TBCE: variants seen among roughly 807,000 people sequenced by gnomAD.
TBCE encodes the protein tubulin-specific chaperone E.
Under a neutral mutation model 77.0 loss-of-function variants are expected in TBCE, and 53 were observed. That is an observed-to-expected ratio of 0.69 (90% CI 0.55 to 0.87). TBCE has a LOEUF of 0.87. TBCE is among the 40% of genes least tolerant of loss of function. The probability of loss-of-function intolerance (pLI) is 0.00; values close to 1 mark genes in which losing one functional copy is unlikely to be tolerated. For synonymous variants in TBCE, 235 were observed against 241.3 expected (o/e 0.97, Z 0.24); for missense variants, 624 against 622.4 (o/e 1.00, Z -0.03).
chr1:235,382,996 G>A (rs1389125279), intron 2 of TBCE, among the ~76,000 whole-genome samples: 1 of 144,962 alleles, frequency 6.9e-6, no homozygotes, highest in Middle Eastern at 3.6e-3. Context: ...TTTTGTATAA[G>A]GTGTAAGGAA....
chr1:235,405,372 A>G lies in TBCE; in HGVS notation c.185+3785A>G, dbSNP rs1469128816. On this transcript the variant is annotated intron_variant, in intron 3 of 16. Transcript: ENST00000642610. ...AGGAGTTTGCTGGGCACAGCAGCTC[A>G]TGCCTGTAATCCCAGCACTTTGGGA... Among the ~76,000 whole-genome samples, 34 of 148,808 alleles carry G rather than the reference A, an allele frequency of 2.3e-4. No homozygotes were observed. The Admixed American group carries it at 2.3e-3, about 10-fold the overall frequency.
intron 16 of TBCE, 78 bp downstream of exon 16, chr1:235,448,518 AAC>A (rs1682634422): frequency 2.1e-6 from 3 of 1,461,428 alleles, no homozygotes; most frequent in Admixed American, 1.7e-5. Context: ...TCTAGATAGC[AAC>A]AGTTTGATTC....
intron 15 of TBCE, 88 bp downstream of exon 15, chr1:235,442,999 C>A: frequency 7.5e-7 from 1 of 1,326,536 alleles, no homozygotes; most frequent in Non-Finnish European, 1.1e-6. Flanking sequence ...TAACTCATGT[C>A]TCAAAGTGTG....
chr1:235,415,335 A>G (rs1680050755), intron 4 of TBCE: 1 of 152,400 alleles, frequency 6.6e-6, no homozygotes, highest in African/African-American at 2.4e-5. Flanking sequence ...TTTCTCTGAA[A>G]CTGTATATTG....
intron 2 of TBCE, among the ~76,000 whole-genome samples, chr1:235,385,885 G>A (rs963924976): frequency 6.6e-6 from 1 of 152,092 alleles, no homozygotes; most frequent in Non-Finnish European, 1.5e-5. Context: ...TATTTTGCTC[G>A]TTAGTTGATG....
At chr1:235,402,065 C>CT (rs55848781) in intron 3 of TBCE, among the ~76,000 whole-genome samples, 3,714 of 134,862 alleles carry the variant, frequency 0.028, 159 homozygotes, top group African/African-American at 0.08. Context: ...ATTTCTTTGT[C>CT]TTTTTTTTTT....
intron 2 of TBCE, among the ~76,000 whole-genome samples, chr1:235,396,382 A>G (rs973663172): frequency 3.3e-5 from 5 of 152,104 alleles, no homozygotes; most frequent in African/African-American, 1.2e-4. Context: ...TTCTTTATCC[A>G]TTCATCTGTT....
intron 2 of TBCE, among the ~76,000 whole-genome samples, chr1:235,387,515 C>T (rs1483183717): frequency 1.3e-5 from 2 of 152,176 alleles, no homozygotes; most frequent in Non-Finnish European, 2.9e-5. Context: ...GGGCACCCCT[C>T]CCCCAGCCGC....
In TBCE at chr1:235,380,060, C is replaced by T; in HGVS notation, c.11C>T (p.Thr4Ile). The change falls in exon 2 of 17, where the codon ACT (threonine) becomes ATT (isoleucine). Residue 4 changes from threonine to isoleucine, a missense_variant. Coordinates refer to ENST00000642610, the MANE Select transcript of TBCE (RefSeq NM_003193.5). Reference protein sequence around the residue: MSDTLTADVIGRRV... With the variant: MSDILTADVIGRRV... ...TCTGGATATATTATAATGAGTGACACTTTGACAGCGGATGTCATTGGTCGA... is the reference window on the plus strand; with the variant it reads ...TCTGGATATATTATAATGAGTGACATTTTGACAGCGGATGTCATTGGTCGA... The T allele has an allele frequency of 6.2e-7, 1 of 1,613,298 alleles. No homozygotes were observed. The highest frequency in any genetic ancestry group is 8.5e-7 in the Non-Finnish European group (1 of 1,179,620).
At chr1:235,421,083 C>T (rs1054821162) in intron 5 of TBCE, among the ~76,000 whole-genome samples, 1 of 151,980 alleles carries the variant, frequency 6.6e-6, no homozygotes, top group Non-Finnish European at 1.5e-5. Flanking sequence ...TTCTTTTTTG[C>T]CTGTAAGCAA....
At chr1:235,442,008 A>ATTTTT in intron 14 of TBCE, 126 bp downstream of exon 14, 1 of 596,200 alleles carries the variant, frequency 1.7e-6, no homozygotes, top group Non-Finnish European at 2.8e-6. Flanking sequence ...TTAAATGAAA[A>ATTTTT]TTTTTTTTTT....
intron 3 of TBCE, among the ~76,000 whole-genome samples, chr1:235,411,017 TA>T (rs1329934084): frequency 6.6e-6 from 1 of 151,860 alleles, no homozygotes; most frequent in African/African-American, 2.4e-5. Flanking sequence ...AACAGTAAAA[TA>T]AAAAAAATAA....
At chr1:235,400,750 A>AGT (rs1241757695) in intron 2 of TBCE, among the ~76,000 whole-genome samples, 1 of 143,466 alleles carries the variant, frequency 7.0e-6, no homozygotes, top group East Asian at 2.1e-4. Context: ...GCTGGAGTGC[A>AGT]GTGGCATGAT....
intron 2 of TBCE, among the ~76,000 whole-genome samples, chr1:235,387,753 A>G (rs1417359431): frequency 6.6e-6 from 1 of 152,152 alleles, no homozygotes; most frequent in Non-Finnish European, 1.5e-5. Context: ...TGCGCTTCCC[A>G]AATGAGGGAA....
chr1:235,425,053 G>A (rs1469905766), intron 5 of TBCE, among the ~76,000 whole-genome samples: 1 of 152,024 alleles, frequency 6.6e-6, no homozygotes, highest in Admixed American at 6.6e-5. Context: ...GGGAGCCCTG[G>A]GCTTCTTGAG....
At chr1:235,407,745 C>T (rs1453515779) in intron 3 of TBCE, among the ~76,000 whole-genome samples, 3 of 152,150 alleles carry the variant, frequency 2.0e-5, no homozygotes, top group South Asian at 4.1e-4. Context: ...TATGGCCGTG[C>T]GCCAGTCACC....
chr1:235,402,896 G>A (rs796222458), intron 3 of TBCE, among the ~76,000 whole-genome samples: 2 of 152,146 alleles, frequency 1.3e-5, no homozygotes, highest in South Asian at 4.1e-4. Context: ...TTCTCAAAGT[G>A]CTGGGATTAC....
At chr1:235,419,142 G>T in intron 4 of TBCE, 1 of 370,954 alleles carries the variant, frequency 2.7e-6, no homozygotes, top group South Asian at 2.4e-5. Flanking sequence ...GGGAGGGAGA[G>T]GTTGCAGTGA....
chr1:235,414,705 C>G, intron 4 of TBCE, 87 bp downstream of exon 4: 1 of 1,331,668 alleles, frequency 7.5e-7, no homozygotes, highest in Non-Finnish European at 1.1e-6. Context: ...TATGGATGCT[C>G]ATGACTTTGC....
Sources: allele counts gnomAD v4.1 joint callset (sites outside exome capture counted in the v4.1 genomes callset), GRCh38; gene constraint gnomAD v4.1.1; transcripts MANE v1.5; gene names NCBI Gene and HGNC (gene_info 2026-07-23, HGNC 2026-07-21).